The following SAMSN1 variants were observed in gnomAD, a reference collection of about 807,000 sequenced individuals.
The protein encoded by SAMSN1 is SAM domain, SH3 domain and nuclear localization signals 1.
In SAMSN1, 31 loss-of-function variants were observed where a neutral mutation model predicts 42.0. The ratio of observed to expected loss-of-function variants is 0.74; its 90% CI spans 0.55 to 1.00. SAMSN1 has a LOEUF of 1.00. Ranked by LOEUF, SAMSN1 falls within the 50% of genes least tolerant of loss-of-function variation. SAMSN1 has a pLI of 0.00. For missense variants in SAMSN1, 464 were observed against 439.4 expected (o/e 1.06, Z -0.50); for synonymous variants, 178 against 151.9 (o/e 1.17, Z -1.26).
intron 2 of SAMSN1, among the ~76,000 whole-genome samples, chr21:14,581,785 C>T (rs1310129111): frequency 1.3e-5 from 2 of 152,106 alleles, no homozygotes; most frequent in Non-Finnish European, 2.9e-5. Flanking sequence ...ATAAAATGCT[C>T]ATTAAAATTA....
At chr21:14,510,136 C>CA (rs1216508204) in intron 5 of SAMSN1, among the ~76,000 whole-genome samples, 174 bp downstream of exon 5, 3 of 136,976 alleles carry the variant, frequency 2.2e-5, no homozygotes, top group Admixed American at 7.2e-5. Flanking sequence ...GACTCCGTCT[C>CA]AAAAAAAGAA....
intron 2 of SAMSN1, among the ~76,000 whole-genome samples, chr21:14,628,087 A>C (rs1421839382): frequency 6.6e-6 from 1 of 152,190 alleles, no homozygotes; most frequent in African/African-American, 2.4e-5. Context: ...AAGACTTAAA[A>C]ATATCAATTA....
At chr21:14,608,855 TG>T (rs1982629724) in intron 5 of SAMSN1, among the ~76,000 whole-genome samples, 1 of 152,154 alleles carries the variant, frequency 6.6e-6, no homozygotes. Context: ...CAATAACACT[TG>T]GGGGTGAATA....
Position 14,629,943 on chromosome 21 carries a change from T to A in SAMSN1, c.156+13059A>T, listed in dbSNP as rs1983286362. On this transcript the variant is annotated intron_variant, in intron 2 of 15. Transcript: ENST00000647101. ...TTAAATGTGATTTATAAAATTATAT[T>A]TACACAAGGTTTTAGAAAGGGAAAG... is the stretch of plus-strand genomic sequence containing the variant. 2.0e-5 allele frequency among the ~76,000 whole-genome samples: 3 copies of A among 152,182 alleles called. No homozygotes were observed. The South Asian group carries it at 6.2e-4, about 32-fold the overall frequency.
At chr21:14,549,419 T>C (rs1600924688), upstream of SAMSN1, among the ~76,000 whole-genome samples, 1 of 152,288 alleles carries the variant, frequency 6.6e-6, no homozygotes, top group East Asian at 1.9e-4. Flanking sequence ...AGAATGAAAG[T>C]AGATTCTCTG....
At chr21:14,653,612 ATAACT>A (rs1313959472) in intron 1 of SAMSN1, among the ~76,000 whole-genome samples, 1 of 152,052 alleles carries the variant, frequency 6.6e-6, no homozygotes, top group Non-Finnish European at 1.5e-5. Context: ...ATTGTCAATA[ATAACT>A]TAATCGTACA....
At chr21:14,501,442 G>A (rs185275933) in intron 5 of SAMSN1, among the ~76,000 whole-genome samples, 3 of 152,132 alleles carry the variant, frequency 2.0e-5, no homozygotes, top group Admixed American at 6.5e-5. Context: ...GGAAGTTAAC[G>A]GCAGAACCAG....
intron 1 of SAMSN1, among the ~76,000 whole-genome samples, chr21:14,539,195 T>C (rs944535004): frequency 2.6e-5 from 4 of 152,196 alleles, no homozygotes; most frequent in African/African-American, 9.7e-5. Flanking sequence ...ACAAACATTT[T>C]TACACACATA....
intron 7 of SAMSN1, among the ~76,000 whole-genome samples, chr21:14,591,134 T>A (rs1982071761): frequency 6.6e-6 from 1 of 152,172 alleles, no homozygotes; most frequent in African/African-American, 2.4e-5. Flanking sequence ...TATTCGTATA[T>A]CATTATAATT....
chr21:14,537,789 T>C (rs1568795945), intron 1 of SAMSN1, among the ~76,000 whole-genome samples: 1 of 152,194 alleles, frequency 6.6e-6, no homozygotes, highest in Non-Finnish European at 1.5e-5. Flanking sequence ...TTCCAAATTA[T>C]AAAGTGCTCA....
intron 1 of SAMSN1, among the ~76,000 whole-genome samples, chr21:14,530,866 G>A (rs944109291): frequency 1.3e-5 from 2 of 152,118 alleles, no homozygotes; most frequent in African/African-American, 4.8e-5. Flanking sequence ...CCTTGATACA[G>A]GGAGGGCAAT....
At chr21:14,658,331 T>C (rs919092226) in intron 1 of SAMSN1, among the ~76,000 whole-genome samples, 11 of 151,976 alleles carry the variant, frequency 7.2e-5, no homozygotes, top group African/African-American at 2.6e-4. Context: ...CAAGCCAGCA[T>C]TGAAAGGAAT....
chr21:14,591,484 T>A (rs1251024473), intron 7 of SAMSN1: 1 of 152,134 alleles, frequency 6.6e-6, no homozygotes, highest in Non-Finnish European at 1.5e-5. Context: ...TTCTTTGGGG[T>A]TCTAGTACTG....
intron 1 of SAMSN1, among the ~76,000 whole-genome samples, chr21:14,655,121 CA>C (rs1186394752): frequency 4.0e-5 from 6 of 150,964 alleles, no homozygotes; most frequent in Non-Finnish European, 8.9e-5. Flanking sequence ...AGAAATGAAA[CA>C]AAAATCATTA....
upstream of SAMSN1, chr21:14,658,932 A>G (rs1310005737): frequency 5.0e-6 from 3 of 602,758 alleles, no homozygotes; most frequent in Admixed American, 3.1e-5. Context: ...TTATCAAATA[A>G]TATAGGCTTT....
intron 6 of SAMSN1, 28 bp downstream of exon 6, chr21:14,500,501 A>C: frequency 6.3e-7 from 1 of 1,599,134 alleles, no homozygotes; most frequent in Non-Finnish European, 8.6e-7. Context: ...CATGCTTCCA[A>C]AAGCAAACAG....
At chr21:14,514,184 A>G (rs1229941704) in intron 3 of SAMSN1, among the ~76,000 whole-genome samples, 2 of 152,228 alleles carry the variant, frequency 1.3e-5, no homozygotes. Context: ...ATTCTGCTGA[A>G]GTATGAGACT....
chr21:14,555,139 A>G (rs1056999028), intron 2 of SAMSN1, among the ~76,000 whole-genome samples: 1 of 152,182 alleles, frequency 6.6e-6, no homozygotes, highest in Non-Finnish European at 1.5e-5. Flanking sequence ...CTGCCTTCAA[A>G]GGCTGAGCCT....
chr21:14,598,469 G>A (rs923248386), intron 6 of SAMSN1, among the ~76,000 whole-genome samples: 6 of 152,174 alleles, frequency 3.9e-5, no homozygotes, highest in African/African-American at 1.4e-4. Context: ...TATAGTTGGT[G>A]TATGATCACA....
Sources: gnomAD v4.1 joint callset for allele counts (sites outside exome capture counted in the v4.1 genomes callset) on GRCh38, gnomAD v4.1.1 for gene constraint, MANE v1.5 for transcripts, NCBI Gene and HGNC (gene_info 2026-07-23, HGNC 2026-07-21) for gene names.